RBM25: variants seen among roughly 807,000 people sequenced by gnomAD.
RBM25 encodes the protein RNA binding motif protein 25.
Under a neutral mutation model 120.7 loss-of-function variants are expected in RBM25, and 19 were observed. That is an observed-to-expected ratio of 0.16 (90% CI 0.11 to 0.23). RBM25 has a LOEUF of 0.23. RBM25 is among the 10% of genes least tolerant of loss of function. The pLI is 1.00. For missense variants in RBM25, 605 were observed against 1,041.5 expected (o/e 0.58, Z 5.77); for synonymous variants, 390 against 326.7 (o/e 1.19, Z -2.09).
chr14:73,099,398 G>A lies in RBM25; in HGVS notation c.748G>A (p.Val250Met). 1 of 1,600,702 alleles carries A rather than the reference G, an allele frequency of 6.2e-7. No homozygotes were observed. The highest frequency in any genetic ancestry group is 8.5e-7 in the Non-Finnish European group (1 of 1,177,282). Residue 250 changes from valine to methionine, a missense_variant, in exon 8 of 19, where the codon GTG (valine) becomes ATG (methionine). This residue lies in a region of RBM25 where 465 missense variants were observed against 741.6 expected (regional missense o/e 0.63). Coordinates refer to ENST00000261973, the MANE Select transcript of RBM25 (RefSeq NM_021239.3). ...KKEDIFRRFP[V>M]APLIPYPLIT... ...TTCACAGATTTTCCGCAGATTTCCAGTGGCCCCACTGATCCCTTATCCACT... is the reference window on the plus strand; with the variant it reads ...TTCACAGATTTTCCGCAGATTTCCAATGGCCCCACTGATCCCTTATCCACT...
At chr14:73,073,837 A>C (rs1210172304) in intron 2 of RBM25, among the ~76,000 whole-genome samples, 1 of 152,204 alleles carries the variant, frequency 6.6e-6, no homozygotes, top group Non-Finnish European at 1.5e-5. Flanking sequence ...ATTTGTTATC[A>C]TCTGCTGCCA....
At chr14:73,065,895 T>C (rs908724236) in intron 1 of RBM25, among the ~76,000 whole-genome samples, 4 of 152,120 alleles carry the variant, frequency 2.6e-5, no homozygotes, top group African/African-American at 4.8e-5. Flanking sequence ...TCTAATATTA[T>C]TGGGGGAAAA....
At chr14:73,076,634 T>G (rs1895428893) in intron 3 of RBM25, among the ~76,000 whole-genome samples, 1 of 152,216 alleles carries the variant, frequency 6.6e-6, no homozygotes, top group Non-Finnish European at 1.5e-5. Context: ...ATACTTGTTA[T>G]TACAAATTTA....
chr14:73,066,956 A>G (rs753060965), intron 1 of RBM25, among the ~76,000 whole-genome samples: 88 of 152,130 alleles, frequency 5.8e-4, no homozygotes, highest in Admixed American at 9.8e-4. Flanking sequence ...GATCTATTCT[A>G]CCAATGATGA....
chr14:73,113,867 G>A (rs1219287825), intron 17 of RBM25, among the ~76,000 whole-genome samples: 1 of 151,980 alleles, frequency 6.6e-6, no homozygotes, highest in Non-Finnish European at 1.5e-5. Flanking sequence ...TAACCACTAA[G>A]GTATATCTTC....
At position 73,071,113 on chromosome 14, in the gene RBM25, G is replaced by A. The variant is rs564379658; in HGVS notation, c.-15-514G>A. Among the ~76,000 whole-genome samples the A allele has an allele frequency of 1.3e-3, 191 of 151,974 alleles. 2 individuals are homozygous for A. The highest frequency in any genetic ancestry group is 7.1e-3 in the Admixed American group (109 of 15,246). On this transcript the variant is annotated intron_variant, in intron 1 of 18. Coordinates refer to ENST00000261973, the MANE Select transcript of RBM25 (RefSeq NM_021239.3). Reference sequence around the variant, plus strand: ...AAAAATTAGCTGGGCGTGGTGGTACGCTCCTGTAGTCCCAGCTACTTGGGA... The same window carrying A: ...AAAAATTAGCTGGGCGTGGTGGTACACTCCTGTAGTCCCAGCTACTTGGGA...
chr14:73,068,281 T>G (rs1310981855), intron 1 of RBM25: 8 of 848,164 alleles, frequency 9.4e-6, no homozygotes, highest in Non-Finnish European at 1.6e-5. Context: ...TAGATTTGGT[T>G]TGTGGGTCAC....
In RBM25 at chr14:73,099,782, T is replaced by C. The variant is rs559454573; in HGVS notation, c.867+32T>C. ...TTCTTGTCTTTTCACTTGATACCAATCTAGACTTTTTACAGAATCCAAAGC... is the reference window on the plus strand; with the variant it reads ...TTCTTGTCTTTTCACTTGATACCAACCTAGACTTTTTACAGAATCCAAAGC... On this transcript the variant is annotated intron_variant, in intron 9 of 18. Coordinates refer to ENST00000261973, the MANE Select transcript of RBM25 (RefSeq NM_021239.3). 3.6e-5 allele frequency: 57 copies of C among 1,563,698 alleles called. 1 individual carries two copies. In the East Asian group the frequency reaches 9.9e-4, roughly 27 times the overall value.
intron 1 of RBM25, chr14:73,068,082 T>G: frequency 1.7e-6 from 1 of 590,130 alleles, no homozygotes; most frequent in Non-Finnish European, 3.1e-6. Flanking sequence ...ACTAAGCACA[T>G]GAGCTACGAC....
At chr14:73,093,300 C>A (rs1470932395) in intron 6 of RBM25, among the ~76,000 whole-genome samples, 1 of 152,124 alleles carries the variant, frequency 6.6e-6, no homozygotes, top group Non-Finnish European at 1.5e-5. Context: ...TTAAAAGGTT[C>A]GTACTTTGGA....
chr14:73,100,637 T>A (rs909182092), intron 9 of RBM25: 1 of 250,648 alleles, frequency 4.0e-6, no homozygotes, highest in Non-Finnish European at 7.5e-6. Flanking sequence ...GACTGAGAGA[T>A]CTTTAACTCA....
At chr14:73,118,308 T>G (rs956843260) in intron 18 of RBM25, among the ~76,000 whole-genome samples, 2 of 152,002 alleles carry the variant, frequency 1.3e-5, no homozygotes, top group African/African-American at 4.8e-5. Context: ...AGACCCTGTC[T>G]CTACTAAAAA....
intron 2 of RBM25, among the ~76,000 whole-genome samples, chr14:73,074,934 GGCCTCCCAA>G (rs1895378917): frequency 6.6e-6 from 1 of 151,148 alleles, no homozygotes; most frequent in Admixed American, 6.6e-5. Context: ...TGCCTGTCTT[GGCCTCCCAA>G]AGTGTTTGGA....
intron 4 of RBM25, among the ~76,000 whole-genome samples, chr14:73,079,724 A>G (rs1895514353): frequency 6.6e-6 from 1 of 150,814 alleles, no homozygotes; most frequent in East Asian, 1.9e-4. Context: ...CTGTTCTTTT[A>G]GAAGACTGGA....
rs1405357949 is a variant in RBM25 at position 73,102,915 on chromosome 14, G to C, written c.868-277G>C. The C allele has an allele frequency of 1.4e-5, 5 of 367,736 alleles. No homozygotes were observed. The East Asian group carries it at 2.4e-4, about 17-fold the overall frequency. 22.8% of individuals were successfully genotyped at this position (367,736 alleles called of 1,614,324 possible). A position where few individuals can be genotyped will look rare whatever the true frequency, so the allele number is the denominator to read the frequency against. On this transcript the variant is annotated intron_variant, in intron 9 of 18. Transcript: ENST00000261973. ...CACCACATTCTTCATGGTCATTTTA[G>C]TTAGTACATAGTCATTGAGTGGCCA... is the stretch of plus-strand genomic sequence containing the variant.
chr14:73,115,189 T>TGTGTGTG (rs1555347335), intron 18 of RBM25, among the ~76,000 whole-genome samples: 9 of 147,616 alleles, frequency 6.1e-5, no homozygotes, highest in African/African-American at 1.7e-4. Context: ...TGTGTGTGTG[T>TGTGTGTG]TTTAAGTCGG....
intron 5 of RBM25, among the ~76,000 whole-genome samples, chr14:73,085,735 C>T (rs1030293927): frequency 6.6e-6 from 1 of 152,176 alleles, no homozygotes; most frequent in African/African-American, 2.4e-5. Context: ...GCTTGAGCCA[C>T]CATGCCTGGC....
chr14:73,071,909 A>G (rs1566583234), intron 2 of RBM25, among the ~76,000 whole-genome samples, 162 bp downstream of exon 2: 1 of 151,778 alleles, frequency 6.6e-6, no homozygotes, highest in African/African-American at 2.4e-5. Context: ...TAGCTTTTAT[A>G]TCTGGCTGAG....
At chr14:73,117,196 T>C (rs1594939574) in intron 18 of RBM25, among the ~76,000 whole-genome samples, 2 of 145,550 alleles carry the variant, frequency 1.4e-5, no homozygotes, top group East Asian at 4.0e-4. Flanking sequence ...TTCTTTTAAT[T>C]TCTTTCTTCT....
Sources: gnomAD v4.1 joint callset for allele counts (sites outside exome capture counted in the v4.1 genomes callset) on GRCh38, gnomAD v4.1.1 for gene constraint, gnomAD v4.1.1 regional missense constraint, MANE v1.5 for transcripts, NCBI Gene and HGNC (gene_info 2026-07-23, HGNC 2026-07-21) for gene names.